CCDC186: variants seen among roughly 807,000 people sequenced by gnomAD.
The protein encoded by CCDC186 is coiled-coil domain containing 186.
A neutral mutation model predicts 113.7 loss-of-function variants in CCDC186; 49 were observed. The ratio of observed to expected loss-of-function variants is 0.43; its 90% CI spans 0.34 to 0.55. CCDC186 has a LOEUF of 0.55. Among genes scored for constraint, CCDC186 ranks in the 20% least tolerant of loss-of-function variants. The probability of loss-of-function intolerance (pLI) is 0.02; values close to 1 mark genes in which losing one functional copy is unlikely to be tolerated. For missense variants in CCDC186, 890 were observed against 1,011.1 expected (o/e 0.88, Z 1.62); for synonymous variants, 355 against 345.8 (o/e 1.03, Z -0.30).
chr10:114,163,263 T>C lies in CCDC186; in HGVS notation c.6A>G (p.Ser2=). The change falls in exon 2 of 16, where the codon TCA becomes TCG. Residue 2 remains serine, a synonymous_variant. Transcript: ENST00000369287. M[S]ETDHIASTSS... is the part of the protein sequence containing the mutation. ...AAGTAGAGGCTATGTGGTCTGTCTCTGACATGCTGACTGGCACCAATTCAC... is the reference window on the plus strand; with the variant it reads ...AAGTAGAGGCTATGTGGTCTGTCTCCGACATGCTGACTGGCACCAATTCAC... 1.2e-6 allele frequency: 2 copies of C among 1,607,096 alleles called. No individual in the cohort carries two copies. The highest frequency in any genetic ancestry group is 8.5e-7 in the Non-Finnish European group (1 of 1,179,018).
chr10:114,142,762 T>C (rs2031511146), intron 6 of CCDC186, among the ~76,000 whole-genome samples: 1 of 152,184 alleles, frequency 6.6e-6, no homozygotes, highest in African/African-American at 2.4e-5. Flanking sequence ...GCAGTATTAT[T>C]AGTACCTAAG....
At chr10:114,161,130 C>T (rs994099155) in intron 2 of CCDC186, among the ~76,000 whole-genome samples, 2 of 152,216 alleles carry the variant, frequency 1.3e-5, no homozygotes, top group African/African-American at 4.8e-5. Context: ...CAATTTTCTA[C>T]CCTATTCCTC....
At chr10:114,149,546 AG>A (rs2031749985) in intron 4 of CCDC186, among the ~76,000 whole-genome samples, 2 of 108,952 alleles carry the variant, frequency 1.8e-5, no homozygotes, top group African/African-American at 3.7e-5. Context: ...AGGGAAGGGA[AG>A]GGAAGGGAAG....
At chr10:114,130,025 C>CGGTA in intron 12 of CCDC186, 54 bp from the exon 13 acceptor site, 1 of 1,525,764 alleles carries the variant, frequency 6.6e-7, no homozygotes, top group Non-Finnish European at 9.0e-7. Flanking sequence ...TTGCTCCTAC[C>CGGTA]ATCTCTGACT....
intron 10 of CCDC186, among the ~76,000 whole-genome samples, chr10:114,133,731 C>G (rs1272491314): frequency 6.6e-6 from 1 of 152,056 alleles, no homozygotes; most frequent in Non-Finnish European, 1.5e-5. Flanking sequence ...ATGTGTCTAC[C>G]ATATGCAGGG....
chr10:114,155,280 A>C (rs553860566), intron 3 of CCDC186, among the ~76,000 whole-genome samples: 22 of 152,364 alleles, frequency 1.4e-4, no homozygotes, highest in African/African-American at 5.1e-4. Flanking sequence ...TATAGTACAC[A>C]TATACTAATT....
intron 4 of CCDC186, among the ~76,000 whole-genome samples, chr10:114,148,931 T>C (rs544563006): frequency 3.3e-5 from 5 of 152,238 alleles, no homozygotes; most frequent in Non-Finnish European, 5.9e-5. Context: ...TAAACACATA[T>C]GGGAACCTAT....
rs1564904755 is a variant in CCDC186, at chr10:114,129,010, A to G, written c.2182+881T>C. ...ACAGAATAAAGCAGCAGCAGGCTAGAAAAAAGAAGGGGCTGGGCGCGGAGG... is the reference window on the plus strand; with the variant it reads ...ACAGAATAAAGCAGCAGCAGGCTAGGAAAAAGAAGGGGCTGGGCGCGGAGG... On this transcript the variant is annotated intron_variant, in intron 13 of 15. Coordinates refer to ENST00000369287, the MANE Select transcript of CCDC186 (RefSeq NM_018017.4). 2.0e-5 allele frequency among the ~76,000 whole-genome samples: 3 copies of G among 152,296 alleles called. No homozygotes were observed. The South Asian group carries it at 6.2e-4, about 32-fold the overall frequency.
chr10:114,126,825 A>G (rs1055150868), intron 14 of CCDC186, among the ~76,000 whole-genome samples: 1 of 152,240 alleles, frequency 6.6e-6, no homozygotes, highest in African/African-American at 2.4e-5. Flanking sequence ...AAGGCCCACA[A>G]TATAAAAAAA....
At chr10:114,141,625 C>T (rs1342773126) in intron 6 of CCDC186, among the ~76,000 whole-genome samples, 1 of 151,992 alleles carries the variant, frequency 6.6e-6, no homozygotes, top group African/African-American at 2.4e-5. Flanking sequence ...AGTTTCCTCT[C>T]TTAACACACA....
intron 6 of CCDC186, 65 bp from the exon 7 acceptor site, chr10:114,137,355 G>T: frequency 9.1e-7 from 1 of 1,102,454 alleles, no homozygotes; most frequent in East Asian, 2.4e-5. Context: ...AGAAGTGACC[G>T]GCAAGTAGGA....
rs987469601 is a variant in CCDC186, at chr10:114,135,165, G to A, written c.1513-110C>T. On this transcript the variant is annotated intron_variant, in intron 9 of 15. Transcript: ENST00000369287. ...CTAAAAATTCTAAAGCACCATTAAC[G>A]TGAAGAAAATATAATGCGAAGTTTA... The A allele has an allele frequency of 1.8e-5, 19 of 1,083,452 alleles. No individual in the cohort carries two copies. In the East Asian group the frequency reaches 3.7e-4, roughly 21 times the overall value. 67.1% of individuals were successfully genotyped at this position (1,083,452 alleles called of 1,614,324 possible).
chr10:114,126,801 A>G (rs1216456339), intron 14 of CCDC186, among the ~76,000 whole-genome samples: 1 of 152,254 alleles, frequency 6.6e-6, no homozygotes, highest in Non-Finnish European at 1.5e-5. Flanking sequence ...ATAAAAATTA[A>G]AAAGTCATTG....
chr10:114,157,178 A>T (rs1043823012), intron 3 of CCDC186, among the ~76,000 whole-genome samples: 2 of 121,190 alleles, frequency 1.7e-5, no homozygotes, highest in African/African-American at 3.1e-5. Context: ...AGTTTTCAGA[A>T]TTTTTTTTTT....
intron 3 of CCDC186, among the ~76,000 whole-genome samples, chr10:114,156,839 T>A (rs554609689): frequency 1.3e-5 from 2 of 152,308 alleles, no homozygotes; most frequent in South Asian, 4.1e-4. Context: ...ATATAGTTTT[T>A]AAAAATACTG....
intron 4 of CCDC186, among the ~76,000 whole-genome samples, chr10:114,150,445 T>C (rs796919327): frequency 1.3e-4 from 20 of 152,274 alleles, no homozygotes; most frequent in African/African-American, 4.3e-4. Context: ...TATATGACCA[T>C]GTACAAATAA....
intron 6 of CCDC186, among the ~76,000 whole-genome samples, chr10:114,140,411 T>C (rs557751780): frequency 1.3e-5 from 2 of 152,344 alleles, no homozygotes; most frequent in Non-Finnish European, 2.9e-5. Context: ...GATGGATGGA[T>C]TGTCATTTAT....
intron 3 of CCDC186, 54 bp from the exon 4 acceptor site, chr10:114,151,274 C>A (rs2031849949): frequency 8.4e-7 from 1 of 1,193,730 alleles, no homozygotes. Flanking sequence ...AATACACCAC[C>A]AATACTGCAA....
chr10:114,130,143 T>C (rs1008424539), intron 12 of CCDC186, 172 bp from the exon 13 acceptor site: 2 of 491,484 alleles, frequency 4.1e-6, no homozygotes, highest in South Asian at 5.0e-5. Context: ...CATTTGGAAA[T>C]GTAAAAGTCA....
Sources: allele counts gnomAD v4.1 joint callset (sites outside exome capture counted in the v4.1 genomes callset), GRCh38; gene constraint gnomAD v4.1.1; transcripts MANE v1.5; gene names NCBI Gene and HGNC (gene_info 2026-07-23, HGNC 2026-07-21).